Variants in RGS11 observed in about 807,000 individuals in gnomAD.
RGS11 encodes regulator of G protein signaling 11.
Under a neutral mutation model 71.1 loss-of-function variants are expected in RGS11, and 86 were observed. The observed-to-expected ratio is 1.21, with a 90% confidence interval of 1.02 to 1.45. RGS11 has a LOEUF of 1.45. Among genes scored for constraint, RGS11 ranks in the 40% most tolerant of loss-of-function variants. The pLI, the probability that RGS11 is intolerant of heterozygous loss-of-function variation, is 0.00. For missense variants in RGS11, 734 were observed against 635.1 expected, an observed-to-expected ratio of 1.16 and a Z score of -1.67; for synonymous variants, 298 against 254.2, an observed-to-expected ratio of 1.17 and a Z score of -1.64.
intron 7 of RGS11, 30 bp from the exon 8 acceptor site, chr16:273,586 G>A (rs747649492): frequency 3.0e-5 from 46 of 1,546,036 alleles, no homozygotes; most frequent in Middle Eastern, 1.7e-4. Context: ...TTGAGGGCAC[G>A]CCCTGCACAC....
chr16:273,063 C>T (rs1238817524), intron 8 of RGS11, 132 bp from the exon 9 acceptor site: 2 of 843,400 alleles, frequency 2.4e-6, no homozygotes, highest in Non-Finnish European at 3.5e-6. Flanking sequence ...CCCGACCTAG[C>T]CGTCAGCTGT....
At chr16:273,679 C>T (rs912574649) in intron 7 of RGS11, 81 bp downstream of exon 7, 3 of 1,541,470 alleles carry the variant, frequency 1.9e-6, no homozygotes, top group Non-Finnish European at 2.7e-6. Flanking sequence ...CCCAGGGCCA[C>T]CGGAGCCTGG....
Position 272,892 on chromosome 16 carries a change from C to T in RGS11, c.628G>A (p.Gly210Arg). Residue 210 changes from glycine (G) to arginine (R), a missense_variant, in exon 9 of 17, where the codon GGA becomes AGA. Physicochemically the swap from Gly to Arg is moderately radical, Grantham distance 125 (BLOSUM62 -2). Coordinates refer to ENST00000397770, the MANE Select transcript of RGS11 (RefSeq NM_183337.3). ...PDVLEQGPGR[G>R]SCAASRVLMT... is the part of the protein sequence containing the mutation. ...AGCACACGGCTGGCAGCGCAGGATC[C>T]CCGCCCTGGACCCTGCTCCAGCACA... The T allele has an allele frequency of 6.5e-7, 1 of 1,536,608 alleles. No individual in the cohort carries two copies. The highest frequency in any genetic ancestry group is 2.0e-5 in the Admixed American group (1 of 50,114).
intron 4 of RGS11, 95 bp downstream of exon 4, chr16:274,881 G>T: frequency 6.9e-7 from 1 of 1,456,544 alleles, no homozygotes; most frequent in Non-Finnish European, 9.2e-7. Context: ...TCCAATCCCA[G>T]CAAGCTCGGC....
Position 273,571 on chromosome 16 carries a change from C to T in RGS11, c.507-15G>A, listed in dbSNP as rs1269098845. 4.5e-6 allele frequency: 7 copies of T among 1,557,074 alleles called. No individual in the cohort carries two copies. Among genetic ancestry groups the T allele is most frequent in the Non-Finnish European group, 6.1e-6 (7 of 1,150,738 alleles). On this transcript the variant is annotated splice_polypyrimidine_tract_variant and intron_variant, in intron 7 of 16. Transcript: ENST00000397770. The stretch of plus-strand genomic sequence containing the variant: ...GCTTGGCTGCCCTGGGAGGAGGAGG[C>T]CGAGTTGAGGGCACGCCCTGCACAC...
chr16:270,862 C>T (rs1019138586), intron 13 of RGS11, 31 bp from the exon 14 acceptor site: 33 of 1,603,316 alleles, frequency 2.1e-5, no homozygotes, highest in Non-Finnish European at 2.8e-5. Flanking sequence ...TCAAGGATCC[C>T]ATCGAGAGTG....
At position 275,040 on chromosome 16, in the gene RGS11, A is replaced by G. The variant is rs1374650679; in HGVS notation, c.254T>C (p.Ile85Thr). The G allele has an allele frequency of 2.0e-6, 3 of 1,499,880 alleles. No homozygotes were observed. Among genetic ancestry groups the G allele is most frequent in the Admixed American group, 2.2e-5 (1 of 46,002 alleles). The allele number at this position is 1,499,880 out of a possible 1,614,324, so 92.9% of individuals were successfully genotyped here. A position where few individuals can be genotyped will look rare whatever the true frequency, so the allele number is the denominator to read the frequency against. ...LGAVLVQHGY[I>T]YPLRDPRSLM... The stretch of plus-strand genomic sequence containing the variant: ...GCTACGGGGGTCGCGCAGCGGGTAG[A>G]TGTAGCCATGCTGCACCAGGACGGC... The change falls in exon 4 of 17, where the codon ATC becomes ACC. Residue 85 changes from isoleucine to threonine, a missense_variant. Coordinates refer to ENST00000397770, the MANE Select transcript of RGS11 (RefSeq NM_183337.3).
rs376750878 is a variant in RGS11 at position 269,228 on chromosome 16, G to A, written c.*41C>T. Reference sequence around the variant, plus strand: ...GGTGGCTGCTGCATTCACGCAGGACGTTGAGCTGCAGGGACTAGAGTGGCA... The same window carrying A: ...GGTGGCTGCTGCATTCACGCAGGACATTGAGCTGCAGGGACTAGAGTGGCA... On this transcript the variant is annotated 3_prime_UTR_variant, in exon 17 of 17. Coordinates refer to ENST00000397770, the MANE Select transcript of RGS11 (RefSeq NM_183337.3). 160 of 1,388,974 alleles carry A rather than the reference G, an allele frequency of 1.2e-4. No homozygotes were observed. In the African/African-American group the frequency reaches 1.2e-3, roughly 10 times the overall value. The allele number at this position is 1,388,974 out of a possible 1,614,324, so 86.0% of individuals were successfully genotyped here.
chr16:274,806 C>T (rs913345407), intron 4 of RGS11, 170 bp downstream of exon 4: 16 of 900,256 alleles, frequency 1.8e-5, no homozygotes, highest in East Asian at 5.3e-5. Flanking sequence ...TCCGTACTTG[C>T]GGTCCAGGAC....
intron 9 of RGS11, 62 bp from the exon 10 acceptor site, chr16:271,631 A>G: frequency 6.5e-7 from 1 of 1,533,338 alleles, no homozygotes. Flanking sequence ...CAAAATCCCC[A>G]GCAGGAGGGC....
At chr16:274,930 G>GGGGGT in intron 4 of RGS11, 46 bp downstream of exon 4, 1 of 1,540,336 alleles carries the variant, frequency 6.5e-7, no homozygotes, top group Non-Finnish European at 8.8e-7. Context: ...CTGGGTGGGT[G>GGGGGT]GGGGTGGGGG....
chr16:274,758 CTG>C, intron 4 of RGS11: 2 of 725,254 alleles, frequency 2.8e-6, no homozygotes, highest in Non-Finnish European at 2.5e-6. Context: ...CCCAGGAAAA[CTG>C]AGGCTCCATC....
chr16:273,723 G>A, intron 7 of RGS11, 37 bp downstream of exon 7: 3 of 1,594,010 alleles, frequency 1.9e-6, no homozygotes, highest in Non-Finnish European at 2.6e-6. Context: ...CCTGGGTTGG[G>A]CGCCTGCAGG....
At position 271,008 on chromosome 16, in the gene RGS11, C is replaced by G; in HGVS notation, c.955G>C (p.Asp319His). The G allele has an allele frequency of 6.2e-7, 1 of 1,612,306 alleles. No homozygotes were observed. Among genetic ancestry groups the G allele is most frequent in the Non-Finnish European group, 8.5e-7 (1 of 1,179,784 alleles). ...EDPVGRAHFM[D>H]FLGKEFSGEN... ...CCACTGAACTCCTTTCCCAGAAAGT[C>G]CATGAAGTGGGCCCGCCCCACGGGG... is the stretch of plus-strand genomic sequence containing the variant. The change falls in exon 13 of 17, where the codon GAC becomes CAC. Residue 319 changes from aspartate (D) to histidine (H), a missense_variant. Transcript: ENST00000397770.
chr16:272,233 C>T, intron 9 of RGS11: 3 of 1,195,974 alleles, frequency 2.5e-6, no homozygotes, highest in South Asian at 3.1e-5. Context: ...CCAGGTGTGA[C>T]CTTCATTGGT....
Position 275,107 on chromosome 16 carries a change from G to A in RGS11, c.212-25C>T, listed in dbSNP as rs768074620. The A allele has an allele frequency of 3.9e-5, 57 of 1,479,542 alleles. No individual in the cohort carries two copies. In the Admixed American group the frequency reaches 1.3e-3, roughly 34 times the overall value. 91.7% of individuals were successfully genotyped at this position (1,479,542 alleles called of 1,614,324 possible). On this transcript the variant is annotated intron_variant, in intron 3 of 16. Coordinates refer to ENST00000397770, the MANE Select transcript of RGS11 (RefSeq NM_183337.3). ...TCTGGGGAGGGGTGGGACGGTGAGCGCGGGGCCGCGGAAGCGGGCGAGGGC... is the reference window on the plus strand; with the variant it reads ...TCTGGGGAGGGGTGGGACGGTGAGCACGGGGCCGCGGAAGCGGGCGAGGGC...
chr16:271,986 G>A (rs1177800780), intron 9 of RGS11: 7 of 297,662 alleles, frequency 2.4e-5, no homozygotes, highest in African/African-American at 8.8e-5. Context: ...ACAGGCATGC[G>A]CCACCAAGCC....
In RGS11 at chr16:270,990, A is replaced by G; in HGVS notation, c.973T>C (p.Phe325Leu). 6.2e-7 allele frequency: 1 copy of G among 1,610,636 alleles called. No homozygotes were observed. Among genetic ancestry groups the G allele is most frequent in the Non-Finnish European group, 8.5e-7 (1 of 1,178,572 alleles). The change falls in exon 13 of 17, where the codon TTC (phenylalanine) becomes CTC (leucine). Residue 325 changes from phenylalanine (F) to leucine (L), a missense_variant. By Grantham distance (22) the Phe-to-Leu change is conservative. Transcript: ENST00000397770. ...AHFMDFLGKE[F>L]SGENLSFWEA... ...GGGGCTGGGGGGTTCTCACCACTGA[A>G]CTCCTTTCCCAGAAAGTCCATGAAG...
chr16:275,140 G>A, intron 3 of RGS11, 58 bp from the exon 4 acceptor site: 1 of 1,513,352 alleles, frequency 6.6e-7, no homozygotes, highest in Non-Finnish European at 8.8e-7. Flanking sequence ...GGCGGGACGA[G>A]CCGGGCCTCC....
Sources: allele counts gnomAD v4.1 joint callset, GRCh38; gene constraint gnomAD v4.1.1; transcripts MANE v1.5; gene names NCBI Gene and HGNC (gene_info 2026-07-23, HGNC 2026-07-21).